Variants in ASXL1 observed in about 807,000 individuals in gnomAD.
ASXL1 encodes the protein polycomb group protein ASXL1.
A neutral mutation model predicts 89.1 loss-of-function variants in ASXL1; 65 were observed. That is an observed-to-expected ratio of 0.73 (90% CI 0.60 to 0.90). The LOEUF (loss-of-function observed/expected upper bound fraction) is 0.90, where lower values mean the gene tolerates loss of function less well. Ranked by LOEUF, ASXL1 falls within the 40% of genes least tolerant of loss-of-function variation. The pLI, the probability that ASXL1 is intolerant of heterozygous loss-of-function variation, is 0.00. For synonymous variants in ASXL1, 739 were observed against 746.9 expected (o/e 0.99, Z 0.17); for missense variants, 1,786 against 1,942.9 (o/e 0.92, Z 1.52).
intron 4 of ASXL1, among the ~76,000 whole-genome samples, chr20:32,404,518 T>G: frequency 6.6e-6 from 1 of 152,236 alleles, no homozygotes; most frequent in East Asian, 1.9e-4. Context: ...ACTCACTTAT[T>G]AGTTCTACAA....
chr20:32,411,214 T>C (rs1245711760), intron 4 of ASXL1, among the ~76,000 whole-genome samples: 14 of 118,024 alleles, frequency 1.2e-4, no homozygotes, highest in African/African-American at 4.1e-4. Context: ...ATTTATGGAT[T>C]CTTTTTTTTT....
In ASXL1 at chr20:32,436,479, A is replaced by G; in HGVS notation, c.3767A>G (p.Asn1256Ser). 6.2e-7 allele frequency: 1 copy of G among 1,614,202 alleles called. No individual in the cohort carries two copies. Among genetic ancestry groups the G allele is most frequent in the Non-Finnish European group, 8.5e-7 (1 of 1,180,042 alleles). ...VRAMSQDSNSNAAPGKSPGDL... is the reference protein window; with the variant it reads ...VRAMSQDSNSSAAPGKSPGDL... ...GCTATGTCACAGGACAGTAATTCAA[A>G]TGCTGCTCCAGGAAAGAGCCCAGGA... The change falls in exon 13 of 13, where the codon AAT becomes AGT. Residue 1256 changes from asparagine (N) to serine (S), a missense_variant. This residue lies in a region of ASXL1 where 1,418 missense variants were observed against 1,427.8 expected (regional missense o/e 0.99). Transcript: ENST00000375687.
At chr20:32,370,703 T>C (rs932551885) in intron 4 of ASXL1, among the ~76,000 whole-genome samples, 15 of 152,186 alleles carry the variant, frequency 9.9e-5, no homozygotes, top group African/African-American at 3.1e-4. Context: ...CCATAAAACT[T>C]GGTCTTTATA....
Position 32,433,477 on chromosome 20 carries a change from A to T in ASXL1, c.1279A>T (p.Lys427Ter), listed in dbSNP as rs2123257637. The T allele has an allele frequency of 1.2e-6, 2 of 1,614,180 alleles. No homozygotes were observed. Among genetic ancestry groups the T allele is most frequent in the Non-Finnish European group, 8.5e-7 (1 of 1,180,032 alleles). Reference sequence around the variant, plus strand: ...CAGAGCCAGAAGGAATCTGTACAAAAAACAGGAGTCAGAACAAGCAGGGGT... The same window carrying T: ...CAGAGCCAGAAGGAATCTGTACAAATAACAGGAGTCAGAACAAGCAGGGGT... ...RTRARRNLYKKQESEQAGVAK... is the reference protein window; with the variant it reads ...RTRARRNLYK The change falls in exon 12 of 13, where the codon AAA (lysine) becomes TAA (stop). Residue 427 changes from lysine to a stop codon, truncating the protein, a stop_gained. Coordinates refer to ENST00000375687, the MANE Select transcript of ASXL1 (RefSeq NM_015338.6). LOFTEE classifies it high-confidence loss of function.
At chr20:32,419,269 C>T (rs1047615337) in intron 4 of ASXL1, among the ~76,000 whole-genome samples, 4 of 152,020 alleles carry the variant, frequency 2.6e-5, no homozygotes, top group African/African-American at 9.7e-5. Context: ...GTGGTGCGAT[C>T]ATAGCTCGCT....
intron 1 of ASXL1, among the ~76,000 whole-genome samples, chr20:32,365,544 A>T (rs1004727900): frequency 6.6e-6 from 1 of 152,172 alleles, no homozygotes; most frequent in Non-Finnish European, 1.5e-5. Context: ...TGTTAGCTTG[A>T]TTTGGAGTAC....
intron 4 of ASXL1, chr20:32,372,123 A>T (rs2048309095): frequency 1.6e-5 from 21 of 1,343,944 alleles, no homozygotes; most frequent in Non-Finnish European, 1.9e-5. Context: ...TACGTGCTTT[A>T]TGTGTGAACT....
intron 4 of ASXL1, among the ~76,000 whole-genome samples, chr20:32,426,642 C>T (rs1555910289): frequency 7.0e-6 from 1 of 143,710 alleles, no homozygotes; most frequent in Non-Finnish European, 1.5e-5. Flanking sequence ...TCACTGCATC[C>T]TCCACCTCCT....
In ASXL1 at chr20:32,436,378, C is replaced by T. The variant is rs1183234916; in HGVS notation, c.3666C>T (p.Ser1222=). ...SLHPVTNPIT[S]SRKLEEMDSK... ...ATCCAGTGACAAATCCCATTACATCCTCTAGGAAACTGGAAGAAATGGATT... is the reference window on the plus strand; with the variant it reads ...ATCCAGTGACAAATCCCATTACATCTTCTAGGAAACTGGAAGAAATGGATT... The change falls in exon 13 of 13, where the codon TCC becomes TCT. Residue 1222 remains serine (S), a synonymous_variant. Coordinates refer to ENST00000375687, the MANE Select transcript of ASXL1 (RefSeq NM_015338.6). 2 of 1,613,716 alleles carry T rather than the reference C, an allele frequency of 1.2e-6. No individual in the cohort carries two copies. The highest frequency in any genetic ancestry group is 8.5e-7 in the Non-Finnish European group (1 of 1,180,034).
At chr20:32,365,464 C>T (rs570762623) in intron 1 of ASXL1, among the ~76,000 whole-genome samples, 2 of 152,200 alleles carry the variant, frequency 1.3e-5, no homozygotes, top group South Asian at 2.1e-4. Flanking sequence ...ACAGCAGCAT[C>T]GTATCAGACT....
At chr20:32,414,302 T>C (rs1222047459) in intron 4 of ASXL1, among the ~76,000 whole-genome samples, 1 of 151,952 alleles carries the variant, frequency 6.6e-6, no homozygotes, top group African/African-American at 2.4e-5. Context: ...TAATGGAGCT[T>C]CTTTTTCTTT....
Position 32,436,668 on chromosome 20 carries a change from C to T in ASXL1, c.3956C>T (p.Pro1319Leu), listed in dbSNP as rs994177700. Reference protein sequence around the residue: ...NVAATLQRPRPADPMPLPAEI... With the variant: ...NVAATLQRPRLADPMPLPAEI... ...GCTGCAACCCTTCAGCGCCCCAGGCCTGCGGACCCGATGCCTCTTCCTGCT... is the reference window on the plus strand; with the variant it reads ...GCTGCAACCCTTCAGCGCCCCAGGCTTGCGGACCCGATGCCTCTTCCTGCT... The change falls in exon 13 of 13, where the codon CCT becomes CTT. Residue 1319 changes from proline to leucine, a missense_variant. Around this residue, in one of 3 missense-constraint regions of ASXL1, gnomAD observed 1,418 missense variants for 1,427.8 expected, o/e 0.99. Coordinates refer to ENST00000375687, the MANE Select transcript of ASXL1 (RefSeq NM_015338.6). 8.1e-6 allele frequency: 13 copies of T among 1,614,024 alleles called. No homozygotes were observed. The highest frequency in any genetic ancestry group is 1.1e-5 in the Non-Finnish European group (13 of 1,180,032).
chr20:32,391,540 A>C (rs929960682), intron 4 of ASXL1, among the ~76,000 whole-genome samples: 1 of 152,160 alleles, frequency 6.6e-6, no homozygotes, highest in Non-Finnish European at 1.5e-5. Context: ...GCTGGAGTGC[A>C]ATGGCAAGAT....
At chr20:32,377,123 TTA>T (rs1569253533) in intron 4 of ASXL1, among the ~76,000 whole-genome samples, 6 of 104,080 alleles carry the variant, frequency 5.8e-5, no homozygotes, top group East Asian at 4.8e-4. Flanking sequence ...AATAGATATA[TTA>T]ATATAATATA....
At chr20:32,380,232 A>G (rs1223550586) in intron 4 of ASXL1, among the ~76,000 whole-genome samples, 1 of 152,176 alleles carries the variant, frequency 6.6e-6, no homozygotes, top group African/African-American at 2.4e-5. Flanking sequence ...CAATGAGCCT[A>G]TTGCGCAACT....
chr20:32,437,015 A>C lies in ASXL1; in HGVS notation c.4303A>C (p.Ser1435Arg). The change falls in exon 13 of 13, where the codon AGC becomes CGC. Residue 1435 changes from serine (S) to arginine (R), a missense_variant. Coordinates refer to ENST00000375687, the MANE Select transcript of ASXL1 (RefSeq NM_015338.6). ...GCCTTCTTCTCTCCCCTCCCAACTC[A>C]GCATCAAGCAGGCATTTTATGGGAA... ...LEPSSLPSQL[S>R]IKQAFYGKLS... 1 of 1,614,086 alleles carries C rather than the reference A, an allele frequency of 6.2e-7. No individual in the cohort carries two copies. Among genetic ancestry groups the C allele is most frequent in the African/African-American group, 1.3e-5 (1 of 75,012 alleles).
At chr20:32,413,238 A>G (rs2049080309) in intron 4 of ASXL1, among the ~76,000 whole-genome samples, 1 of 152,228 alleles carries the variant, frequency 6.6e-6, no homozygotes, top group South Asian at 2.1e-4. Context: ...TCATTTGTAC[A>G]AAAAGAAACA....
intron 1 of ASXL1, 44 bp downstream of exon 1, chr20:32,358,876 G>A: frequency 1.4e-6 from 2 of 1,459,858 alleles, no homozygotes; most frequent in Non-Finnish European, 1.8e-6. Context: ...CCCGGGGTGG[G>A]GGGGGCTCGC....
chr20:32,362,939 C>T (rs964227869), intron 1 of ASXL1, among the ~76,000 whole-genome samples: 1 of 152,032 alleles, frequency 6.6e-6, no homozygotes, highest in Non-Finnish European at 1.5e-5. Flanking sequence ...TCCCTGGCTT[C>T]GAGAAACTCT....
Sources: allele counts gnomAD v4.1 joint callset (sites outside exome capture counted in the v4.1 genomes callset), GRCh38; gene constraint gnomAD v4.1.1; regional missense constraint gnomAD v4.1.1; transcripts MANE v1.5; gene names NCBI Gene and HGNC (gene_info 2026-07-23, HGNC 2026-07-21).